The following PPP2R2C variants were observed in gnomAD, a reference collection of about 807,000 sequenced individuals.
PPP2R2C encodes the protein protein phosphatase 2 regulatory subunit Bgamma.
PPP2R2C carries 10 observed loss-of-function variants against 45.3 expected under a neutral mutation model. That is an observed-to-expected ratio of 0.22 (90% CI 0.14 to 0.37). The LOEUF (loss-of-function observed/expected upper bound fraction) is 0.37, where lower values mean the gene tolerates loss of function less well. Ranked by LOEUF, PPP2R2C falls within the 10% of genes least tolerant of loss-of-function variation. The pLI, the probability that PPP2R2C is intolerant of heterozygous loss-of-function variation, is 1.00. For missense variants in PPP2R2C, 308 were observed against 619.7 expected, an observed-to-expected ratio of 0.50 and a Z score of 5.34; for synonymous variants, 257 against 245.4, an observed-to-expected ratio of 1.05 and a Z score of -0.44.
intron 1 of PPP2R2C, among the ~76,000 whole-genome samples, chr4:6,560,648 A>G (rs961281094): frequency 1.3e-4 from 20 of 152,186 alleles, no homozygotes; most frequent in African/African-American, 4.8e-4. Flanking sequence ...CTCTGTGCCT[A>G]TCCACAGCCA....
chr4:6,447,706 C>T (rs1450240519), intron 1 of PPP2R2C, among the ~76,000 whole-genome samples: 1 of 152,146 alleles, frequency 6.6e-6, no homozygotes, highest in East Asian at 1.9e-4. Flanking sequence ...AGGCTCCAAG[C>T]TTGGCAGGGA....
At chr4:6,539,818 C>T (rs1368953271) in intron 1 of PPP2R2C, among the ~76,000 whole-genome samples, 6 of 152,268 alleles carry the variant, frequency 3.9e-5, no homozygotes, top group East Asian at 3.9e-4. Flanking sequence ...TCTCCCCATA[C>T]GACAAGTGAG....
intron 5 of PPP2R2C, among the ~76,000 whole-genome samples, 171 bp downstream of exon 5, chr4:6,372,352 G>A (rs1714901546): frequency 6.6e-6 from 1 of 152,200 alleles, no homozygotes; most frequent in Non-Finnish European, 1.5e-5. Flanking sequence ...GACGTGACAT[G>A]ATTTTGTATC....
Position 6,540,921 on chromosome 4 carries a change from G to A in PPP2R2C, c.-58-5544C>T, listed in dbSNP as rs138968455. Among the ~76,000 whole-genome samples the A allele has an allele frequency of 2.6e-5, 4 of 152,348 alleles. No individual in the cohort carries two copies. The East Asian group carries it at 7.7e-4, about 29-fold the overall frequency. On this transcript the variant is annotated intron_variant, in intron 1 of 9. Coordinates refer to the PPP2R2C transcript ENST00000506140. ...AGCCAGAGGCCAGCAATCCAGCACT[G>A]GAGCAGAACTCTGTGTTGTGGTTAA...
intron 1 of PPP2R2C, among the ~76,000 whole-genome samples, chr4:6,543,304 A>G (rs765645161): frequency 6.6e-6 from 1 of 152,140 alleles, no homozygotes; most frequent in Non-Finnish European, 1.5e-5. Flanking sequence ...GGACCCCAAG[A>G]GCACGTCCTA....
chr4:6,378,216 GAC>G lies in PPP2R2C; in HGVS notation c.334+189_334+190del, dbSNP rs1715499351. The G allele has an allele frequency of 1.3e-6, 1 of 763,614 alleles. No individual in the cohort carries two copies. The highest frequency in any genetic ancestry group is 1.6e-6 in the Non-Finnish European group (1 of 628,136). The allele number at this position is 763,614 out of a possible 1,614,324, so 47.3% of individuals were successfully genotyped here. On this transcript the variant is annotated intron_variant, in intron 3 of 8. Coordinates refer to ENST00000382599, the MANE Select transcript of PPP2R2C (RefSeq NM_020416.4). This position sits in a 1 kb window ranked among gnomAD's most constrained non-coding sequence, Gnocchi z 5.2. ...AAAAAGGGGGGCAGCCCTGTGTCCA[GAC>G]ACAGGGAGCGTCTGAGGGGGTCTGG... is the stretch of plus-strand genomic sequence containing the variant.
chr4:6,344,463 G>A lies in PPP2R2C; in HGVS notation c.790+3383C>T, dbSNP rs370848116. Among the ~76,000 whole-genome samples the A allele has an allele frequency of 7.2e-5, 11 of 152,248 alleles. No individual in the cohort carries two copies. In the South Asian group the frequency reaches 1.0e-3, roughly 14 times the overall value. On this transcript the variant is annotated intron_variant, in intron 6 of 8. Coordinates refer to ENST00000382599, the MANE Select transcript of PPP2R2C (RefSeq NM_020416.4). The stretch of plus-strand genomic sequence containing the variant: ...ACCGCTGCTTCTGCCCTGGGAAACC[G>A]GATAGCACAGGCTTCGGGAGCCAAA...
upstream of PPP2R2C, among the ~76,000 whole-genome samples, chr4:6,475,784 C>G (rs889605992): frequency 1.3e-5 from 2 of 152,230 alleles, no homozygotes; most frequent in Non-Finnish European, 2.9e-5. Flanking sequence ...ACAGAGAGAA[C>G]ATGCATGGAA....
intron 1 of PPP2R2C, among the ~76,000 whole-genome samples, chr4:6,538,761 TACAA>T (rs1724713318): frequency 6.6e-6 from 1 of 152,208 alleles, no homozygotes; most frequent in South Asian, 2.1e-4. Context: ...TTGTTCTCGT[TACAA>T]AGGCAGCAGA....
intron 1 of PPP2R2C, among the ~76,000 whole-genome samples, chr4:6,411,697 C>T (rs9291115): frequency 0.28 from 42,573 of 151,872 alleles, 6,360 homozygotes; most frequent in Admixed American, 0.39. Context: ...GGACTACAGG[C>T]GCCCGCCACC....
At chr4:6,542,694 C>G (rs1344673987) in intron 1 of PPP2R2C, among the ~76,000 whole-genome samples, 1 of 7,154 alleles carries the variant, frequency 1.4e-4, no homozygotes, top group African/African-American at 2.1e-4. Context: ...CAGAGCAAGA[C>G]TCTGTCTCAA....
chr4:6,419,943 C>T (rs938190147), intron 1 of PPP2R2C, among the ~76,000 whole-genome samples: 1 of 152,224 alleles, frequency 6.6e-6, no homozygotes, highest in African/African-American at 2.4e-5. Context: ...ATGACCTCAT[C>T]TTAACTAGTG....
chr4:6,334,678 G>A (rs1476860115), intron 6 of PPP2R2C, among the ~76,000 whole-genome samples: 4 of 152,188 alleles, frequency 2.6e-5, no homozygotes, highest in African/African-American at 9.6e-5. Flanking sequence ...ACGATGGGAA[G>A]AGAACAGGGT....
chr4:6,464,416 G>A (rs560814923), intron 1 of PPP2R2C, among the ~76,000 whole-genome samples: 2 of 152,258 alleles, frequency 1.3e-5, no homozygotes, highest in African/African-American at 2.4e-5. Flanking sequence ...GCTAGGTCCC[G>A]CAGTGGCACC....
intron 1 of PPP2R2C, among the ~76,000 whole-genome samples, chr4:6,438,852 G>C (rs1720016588): frequency 6.6e-6 from 1 of 152,206 alleles, no homozygotes; most frequent in African/African-American, 2.4e-5. Context: ...AACATTTAAA[G>C]AAACCTATTA....
At chr4:6,484,281 G>A (rs1231637012) in intron 2 of PPP2R2C, among the ~76,000 whole-genome samples, 3 of 151,918 alleles carry the variant, frequency 2.0e-5, no homozygotes, top group Admixed American at 6.5e-5. Context: ...AATCAGCTAT[G>A]TCAGCTGCCA....
In PPP2R2C at chr4:6,329,122, C is replaced by T. The variant is rs1360280021; in HGVS notation, c.1052+140G>A. On this transcript the variant is annotated intron_variant, in intron 8 of 8. Transcript: ENST00000382599. This position sits in a 1 kb window ranked among gnomAD's most constrained non-coding sequence, Gnocchi z 5.8. ...TGAGAGTTGGACCTGCTCTGGAAAG[C>T]GTGGGCTTCACCCAGACACCTGGAC... 1.4e-6 allele frequency: 1 copy of T among 711,950 alleles called. No individual in the cohort carries two copies. The allele number at this position is 711,950 out of a possible 1,614,324, so 44.1% of individuals were successfully genotyped here.
chr4:6,534,745 C>T (rs1463892954), intron 2 of PPP2R2C, among the ~76,000 whole-genome samples: 1 of 152,196 alleles, frequency 6.6e-6, no homozygotes, highest in African/African-American at 2.4e-5. Flanking sequence ...CAGTGACAAC[C>T]CCGCCTCCGC....
intron 2 of PPP2R2C, among the ~76,000 whole-genome samples, chr4:6,516,528 G>T (rs1723833509): frequency 1.3e-5 from 2 of 152,198 alleles, no homozygotes; most frequent in Non-Finnish European, 2.9e-5. Flanking sequence ...CCGTCCATCT[G>T]TCCACCCTGC....
Sources: gnomAD v4.1 joint callset for allele counts (sites outside exome capture counted in the v4.1 genomes callset) on GRCh38, gnomAD v4.1.1 for gene constraint, Gnocchi (gnomAD v3.1) non-coding constraint, MANE v1.5 for transcripts, NCBI Gene and HGNC (gene_info 2026-07-23, HGNC 2026-07-21) for gene names.